NLRC3: variants seen among roughly 807,000 people sequenced by gnomAD.
NLRC3 encodes the protein NLR family CARD domain containing 3.
Under a neutral mutation model 91.6 loss-of-function variants are expected in NLRC3, and 87 were observed. That is an observed-to-expected ratio of 0.95 (90% CI 0.80 to 1.14). The LOEUF is 1.14. Ranked by LOEUF, NLRC3 falls within the 50% of genes most tolerant of loss-of-function variation. The pLI, the probability that NLRC3 is intolerant of heterozygous loss-of-function variation, is 0.00. For missense variants in NLRC3, 1,577 were observed against 1,418.6 expected (o/e 1.11, Z -1.79); for synonymous variants, 694 against 625.3 (o/e 1.11, Z -1.64).
At chr16:3,556,802 C>T in intron 8 of NLRC3, 109 bp downstream of exon 8, 1 of 751,218 alleles carries the variant, frequency 1.3e-6, no homozygotes, top group Non-Finnish European at 2.3e-6. Flanking sequence ...TGTGCCCGGC[C>T]CCATGCCTGC....
At position 3,562,951 on chromosome 16, in the gene NLRC3, G is replaced by A. The variant is rs770428073; in HGVS notation, c.1928+58C>T. The A allele has an allele frequency of 1.7e-4, 243 of 1,442,340 alleles. 1 individual carries two copies. In the South Asian group the frequency reaches 2.3e-3, roughly 14 times the overall value. 89.3% of individuals were successfully genotyped at this position (1,442,340 alleles called of 1,614,324 possible). On this transcript the variant is annotated intron_variant, in intron 5 of 19. Coordinates refer to ENST00000359128, the MANE Select transcript of NLRC3 (RefSeq NM_178844.4). ...AGAAGCTTGGTGGTGGGGAGGGGACGGCTTCTGCTCTCTCCTCTGCCCCTT... is the reference window on the plus strand; with the variant it reads ...AGAAGCTTGGTGGTGGGGAGGGGACAGCTTCTGCTCTCTCCTCTGCCCCTT...
rs1439068421 is a variant in NLRC3 at position 3,563,008 on chromosome 16, C to T, written c.1928+1G>A. Reference sequence around the variant, plus strand: ...CCCCTGCCCCCTGCCCTGGTATCCACCTGAGCTTCCGGCAGTAGAGCAGCT... The same window carrying T: ...CCCCTGCCCCCTGCCCTGGTATCCATCTGAGCTTCCGGCAGTAGAGCAGCT... On this transcript the variant is annotated splice_donor_variant, in intron 5 of 19. Transcript: ENST00000359128. LOFTEE classifies it high-confidence loss of function. 3.9e-6 allele frequency: 6 copies of T among 1,551,182 alleles called. No individual in the cohort carries two copies. Among genetic ancestry groups the T allele is most frequent in the Non-Finnish European group, 5.2e-6 (6 of 1,148,092 alleles).
In NLRC3 at chr16:3,543,477, C is replaced by T. The variant is rs2038515217; in HGVS notation, c.2887G>A (p.Ala963Thr). The change falls in exon 17 of 20, where the codon GCC becomes ACC. Residue 963 changes from alanine to threonine, a missense_variant. Ala to Thr is a moderately conservative substitution (Grantham distance 58). Transcript: ENST00000359128. ...LQVASIGASG[A>T]QVLGEALAVN... ...GCCAAGGCTTCCCCTAGCACCTGGG[C>T]GCCTGAAGCACCAATTGAGGCCACC... 9.3e-6 allele frequency: 15 copies of T among 1,613,180 alleles called. No individual in the cohort carries two copies. The highest frequency in any genetic ancestry group is 1.3e-5 in the Non-Finnish European group (15 of 1,179,612).
Position 3,542,239 on chromosome 16 carries a change from A to G in NLRC3, c.3059T>C (p.Ile1020Thr). Residue 1020 changes from isoleucine to threonine, a missense_variant, in exon 19 of 20, where the codon ATA becomes ACA. Coordinates refer to ENST00000359128, the MANE Select transcript of NLRC3 (RefSeq NM_178844.4). ...TCCAGACAGTGCTGTGGCAATGCATATCGCCCCGTCCATCCCCAGAGAATT... is the reference window on the plus strand; with the variant it reads ...TCCAGACAGTGCTGTGGCAATGCATGTCGCCCCGTCCATCCCCAGAGAATT... Reference protein sequence around the residue: ...QENSLGMDGAICIATALSGNH... With the variant: ...QENSLGMDGATCIATALSGNH... 1 of 1,595,152 alleles carries G rather than the reference A, an allele frequency of 6.3e-7. No individual in the cohort carries two copies. The highest frequency in any genetic ancestry group is 8.5e-7 in the Non-Finnish European group (1 of 1,170,658).
At chr16:3,548,100 C>A (rs779952818) in intron 15 of NLRC3, 35 bp downstream of exon 15, 1 of 1,437,970 alleles carries the variant, frequency 7.0e-7, no homozygotes, top group Non-Finnish European at 9.6e-7. Flanking sequence ...TCCTCAACAG[C>A]CCCCGCCCTG....
At chr16:3,543,205 C>T (rs992169105) in intron 17 of NLRC3, 26 of 543,054 alleles carry the variant, frequency 4.8e-5, no homozygotes, top group Non-Finnish European at 6.7e-5. Context: ...GGCCTCTAGA[C>T]GTGTTCAGCC....
intron 1 of NLRC3, among the ~76,000 whole-genome samples, chr16:3,573,826 G>A (rs1014129822): frequency 7.3e-5 from 11 of 151,620 alleles, no homozygotes; most frequent in African/African-American, 1.2e-4. Flanking sequence ...TTGCTTTGTC[G>A]CTAAAAAATA....
chr16:3,548,003 A>C, intron 15 of NLRC3, 132 bp downstream of exon 15: 1 of 642,734 alleles, frequency 1.6e-6, no homozygotes, highest in Non-Finnish European at 2.8e-6. Context: ...GGACTGAAAC[A>C]TGCCAGCTGG....
rs543840162 is a variant in NLRC3 at position 3,561,758 on chromosome 16, C to T, written c.1959G>A (p.Val653=). ...TCAGCACGCTGCCCAGCAGCTCCAT[C>T]ACGGGGTCCTGGAACTGGTTGGTGT... The part of the protein sequence containing the change: ...RLDTNQFQDP[V]MELLGSVLSG... The change falls in exon 6 of 20, where the codon GTG becomes GTA. Residue 653 remains valine (V), a synonymous_variant. Coordinates refer to ENST00000359128, the MANE Select transcript of NLRC3 (RefSeq NM_178844.4). The T allele has an allele frequency of 1.9e-6, 3 of 1,613,634 alleles. No individual in the cohort carries two copies. The highest frequency in any genetic ancestry group is 2.7e-5 in the African/African-American group (2 of 75,062).
chr16:3,552,402 G>A, intron 9 of NLRC3, 123 bp from the exon 10 acceptor site: 1 of 686,444 alleles, frequency 1.5e-6, no homozygotes, highest in South Asian at 1.6e-5. Flanking sequence ...GAGCAGGTGG[G>A]GAGGGCGTTC....
intron 18 of NLRC3, 94 bp downstream of exon 18, chr16:3,542,598 A>G (rs1269313542): frequency 2.7e-6 from 2 of 731,156 alleles, no homozygotes; most frequent in Non-Finnish European, 4.8e-6. Context: ...GGAAATAGCT[A>G]CAGAAGAAAT....
At position 3,577,175 on chromosome 16, in the gene NLRC3, G is replaced by A. The variant is rs1418544085; in HGVS notation, c.-195C>T. On this transcript the variant is annotated 5_prime_UTR_variant, in exon 1 of 20. Coordinates refer to ENST00000359128, the MANE Select transcript of NLRC3 (RefSeq NM_178844.4). Reference sequence around the variant, plus strand: ...TCCCGGGCCTCGATGCTGCTCCAGGGACAGCAAGACTGGGGGGCCTGGGGG... The same window carrying A: ...TCCCGGGCCTCGATGCTGCTCCAGGAACAGCAAGACTGGGGGGCCTGGGGG... The A allele has an allele frequency of 2.8e-6, 2 of 702,954 alleles. No homozygotes were observed. Among genetic ancestry groups the A allele is most frequent in the East Asian group, 2.7e-5 (1 of 37,286 alleles). The allele number at this position is 702,954 out of a possible 1,614,324, so 43.5% of individuals were successfully genotyped here. A position where few individuals can be genotyped will look rare whatever the true frequency, so the allele number is the denominator to read the frequency against.
intron 1 of NLRC3, among the ~76,000 whole-genome samples, chr16:3,569,395 T>TATATATATATATATATATATATA (rs1491362144): frequency 2.1e-5 from 1 of 47,730 alleles, no homozygotes; most frequent in African/African-American, 7.4e-5. Flanking sequence ...TATATATATA[T>TATATATATATATATATATATATA]TATTTTTTTT....
intron 2 of NLRC3, 93 bp from the exon 3 acceptor site, chr16:3,565,473 A>G (rs1275627072): frequency 7.7e-6 from 2 of 259,822 alleles, no homozygotes; most frequent in South Asian, 3.5e-5. Context: ...AAAAAGCAAA[A>G]AAAAAAAAAA....
intron 2 of NLRC3, among the ~76,000 whole-genome samples, chr16:3,566,724 TA>T (rs144030899): frequency 0.034 from 4,155 of 123,726 alleles, 133 homozygotes; most frequent in African/African-American, 0.094. Context: ...AAACTCCGTA[TA>T]AAAAAAAAAA....
At position 3,542,701 on chromosome 16, in the gene NLRC3, C is replaced by G; in HGVS notation, c.3014G>C (p.Arg1005Pro). Residue 1005 changes from arginine (R) to proline (P), a missense_variant, in exon 18 of 20, where the codon CGG becomes CCG. By Grantham distance (103) the Arg-to-Pro change is moderately radical. Coordinates refer to ENST00000359128, the MANE Select transcript of NLRC3 (RefSeq NM_178844.4). ...ANALKVNSSLRRLNLQENSLG... is the reference protein window; with the variant it reads ...ANALKVNSSLPRLNLQENSLG... ...CCCTCCAGCCACTTACTTGAGTCTC[C>G]GGAGACTTGAGTTTACCTTCAGAGC... 1 of 1,607,640 alleles carries G rather than the reference C, an allele frequency of 6.2e-7. No individual in the cohort carries two copies. Among genetic ancestry groups the G allele is most frequent in the Non-Finnish European group, 8.5e-7 (1 of 1,175,972 alleles).
In NLRC3 at chr16:3,556,908, C is replaced by T. The variant is rs2039365216; in HGVS notation, c.2183+3G>A. ...CACAACACAGGGAGCAGGTGACACA[C>T]ACCTCAGGGAGGTCAGGGTGCGGTT... On this transcript the variant is annotated splice_donor_region_variant and intron_variant, in intron 8 of 19. Transcript: ENST00000359128. 1.2e-6 allele frequency: 2 copies of T among 1,607,922 alleles called. No individual in the cohort carries two copies. Among genetic ancestry groups the T allele is most frequent in the Admixed American group, 1.7e-5 (1 of 59,954 alleles).
At chr16:3,573,427 A>T (rs910960766) in intron 1 of NLRC3, among the ~76,000 whole-genome samples, 3 of 151,982 alleles carry the variant, frequency 2.0e-5, no homozygotes, top group South Asian at 2.1e-4. Flanking sequence ...ACCCTGTCTC[A>T]CACACACACA....
intron 11 of NLRC3, 49 bp from the exon 12 acceptor site, chr16:3,549,829 G>A (rs2038902944): frequency 7.2e-7 from 1 of 1,380,516 alleles, no homozygotes; most frequent in Non-Finnish European, 1.0e-6. Context: ...GGACCCAGAG[G>A]GAGCTGCCCT....
Sources: allele counts gnomAD v4.1 joint callset (sites outside exome capture counted in the v4.1 genomes callset), GRCh38; gene constraint gnomAD v4.1.1; transcripts MANE v1.5; gene names NCBI Gene and HGNC (gene_info 2026-07-23, HGNC 2026-07-21).